Variants in DNM3 observed in about 807,000 individuals in gnomAD.
The protein encoded by DNM3 is dynamin-3.
Under a neutral mutation model 101.6 loss-of-function variants are expected in DNM3, and 47 were observed. The ratio of observed to expected loss-of-function variants is 0.46; its 90% CI spans 0.37 to 0.59. The LOEUF (loss-of-function observed/expected upper bound fraction) is 0.59. DNM3 is among the 20% of genes least tolerant of loss of function. The probability of loss-of-function intolerance (pLI) is 0.00; values close to 1 mark genes in which losing one functional copy is unlikely to be tolerated. For missense variants in DNM3, 849 were observed against 1,085.7 expected, an observed-to-expected ratio of 0.78 and a Z score of 3.06; for synonymous variants, 385 against 387.9, an observed-to-expected ratio of 0.99 and a Z score of 0.09.
intron 1 of DNM3, among the ~76,000 whole-genome samples, chr1:171,842,232 C>T (rs1240691223): frequency 6.6e-6 from 1 of 152,180 alleles, no homozygotes; most frequent in African/African-American, 2.4e-5. Context: ...CAACACCCCC[C>T]TCCTTTTCCT....
chr1:172,336,453 G>C (rs1030853204), intron 17 of DNM3, among the ~76,000 whole-genome samples: 1 of 148,496 alleles, frequency 6.7e-6, no homozygotes, highest in Non-Finnish European at 1.5e-5. Flanking sequence ...GAAGAGAAAA[G>C]TGTCACAGGA....
intron 1 of DNM3, among the ~76,000 whole-genome samples, chr1:171,847,627 A>G (rs2032327229): frequency 6.6e-6 from 1 of 152,228 alleles, no homozygotes; most frequent in Non-Finnish European, 1.5e-5. Context: ...GTATTTTATA[A>G]GGACTTCCAA....
chr1:172,240,943 G>C (rs1204093414), intron 14 of DNM3, among the ~76,000 whole-genome samples: 1 of 152,036 alleles, frequency 6.6e-6, no homozygotes, highest in East Asian at 1.9e-4. Flanking sequence ...GCCATGCTGA[G>C]TAAATTTTTC....
intron 15 of DNM3, chr1:172,289,944 T>C: frequency 1.1e-6 from 1 of 939,954 alleles, no homozygotes; most frequent in African/African-American, 1.8e-5. Context: ...ATCTGTAAGG[T>C]AAAAGACAAT....
intron 4 of DNM3, among the ~76,000 whole-genome samples, chr1:172,005,080 G>A (rs2046595205): frequency 6.6e-6 from 1 of 152,048 alleles, no homozygotes; most frequent in Admixed American, 6.6e-5. Context: ...CACCACTCTG[G>A]AGCCAAACTG....
chr1:172,027,617 C>CACACACACACACACACACAGAG (rs34981346), intron 4 of DNM3, among the ~76,000 whole-genome samples: 61 of 147,124 alleles, frequency 4.1e-4, no homozygotes, highest in African/African-American at 1.5e-3. Context: ...CACACACACA[C>CACACACACACACACACACAGAG]AGAGAGAGAG....
At chr1:171,924,710 G>A (rs2040423314) in intron 2 of DNM3, among the ~76,000 whole-genome samples, 2 of 152,166 alleles carry the variant, frequency 1.3e-5, no homozygotes, top group South Asian at 4.1e-4. Flanking sequence ...AATTCAAGAT[G>A]AGATTTGGGT....
intron 16 of DNM3, among the ~76,000 whole-genome samples, chr1:172,321,339 C>G (rs2065706108): frequency 6.6e-6 from 1 of 152,128 alleles, no homozygotes; most frequent in Non-Finnish European, 1.5e-5. Context: ...ACTTAGCCCC[C>G]AACACATAAC....
intron 16 of DNM3, among the ~76,000 whole-genome samples, chr1:172,321,826 C>A (rs879854068): frequency 3.3e-5 from 5 of 152,136 alleles, no homozygotes; most frequent in Admixed American, 1.3e-4. Flanking sequence ...CTTGGGAGAA[C>A]CAGGGTCCCA....
chr1:172,301,010 G>C (rs1192624731), intron 15 of DNM3, among the ~76,000 whole-genome samples: 1 of 152,170 alleles, frequency 6.6e-6, no homozygotes, highest in East Asian at 1.9e-4. Flanking sequence ...TATGACTCTG[G>C]GGAAGGTCTA....
At chr1:171,968,178 T>G (rs1239493289) in intron 2 of DNM3, among the ~76,000 whole-genome samples, 1 of 152,202 alleles carries the variant, frequency 6.6e-6, no homozygotes, top group Non-Finnish European at 1.5e-5. Flanking sequence ...TGTTGTGAGT[T>G]CAAAGTACTT....
Position 171,993,498 on chromosome 1 carries a change from C to CTTTTTTTTTT in DNM3, c.589+4357_589+4366dup, listed in dbSNP as rs145178902. On this transcript the variant is annotated intron_variant, in intron 4 of 20. Transcript: ENST00000627582. ...CTTCTCTCCTGCTGCTTTCAAGATTCTTTTTTTTTTTTTTTTGTCTTTTGG... is the reference window on the plus strand; with the variant it reads ...CTTCTCTCCTGCTGCTTTCAAGATTCTTTTTTTTTTTTTTTTTTTTTTTTTTGTCTTTTGG... Among the ~76,000 whole-genome samples, 112 of 128,574 alleles carry CTTTTTTTTTT rather than the reference C, an allele frequency of 8.7e-4. 1 individual carries two copies. The highest frequency in any genetic ancestry group is 1.8e-3 in the African/African-American group (60 of 33,978). The allele number at this position is 128,574 out of a possible 152,430, so 84.3% of individuals were successfully genotyped here.
rs951978489 is a variant in DNM3 at position 172,233,771 on chromosome 1, C to T, written c.1660-19802C>T. Among the ~76,000 whole-genome samples the T allele has an allele frequency of 3.3e-5, 5 of 152,270 alleles. 1 individual carries two copies. The highest frequency in any genetic ancestry group is 1.2e-4 in the African/African-American group (5 of 41,538). ...CAATAAATGTAATCCAGCATATAAA[C>T]AGAACCAACGACAAAAACCACATGA... On this transcript the variant is annotated intron_variant, in intron 14 of 20. Transcript: ENST00000627582.
intron 18 of DNM3, among the ~76,000 whole-genome samples, chr1:172,381,336 A>G (rs979443922): frequency 2.6e-5 from 4 of 152,108 alleles, no homozygotes; most frequent in African/African-American, 9.7e-5. Context: ...AGGCGAAAGT[A>G]TCATGTAGTG....
chr1:172,245,634 G>A (rs575096867), intron 14 of DNM3, among the ~76,000 whole-genome samples: 121 of 152,312 alleles, frequency 7.9e-4, no homozygotes, highest in Admixed American at 2.8e-3. Flanking sequence ...TCACATTTCT[G>A]GGAGACGTGT....
chr1:172,356,258 A>G (rs2067448965), intron 17 of DNM3, among the ~76,000 whole-genome samples: 1 of 152,092 alleles, frequency 6.6e-6, no homozygotes, highest in African/African-American at 2.4e-5. Flanking sequence ...CATTTAGGTA[A>G]ATCTAAGCCA....
At chr1:172,067,601 A>G (rs1401983736) in intron 10 of DNM3, among the ~76,000 whole-genome samples, 1 of 151,962 alleles carries the variant, frequency 6.6e-6, no homozygotes, top group Non-Finnish European at 1.5e-5. Flanking sequence ...CATCTTCTCC[A>G]CGGCCATTCT....
intron 17 of DNM3, among the ~76,000 whole-genome samples, chr1:172,352,370 A>G (rs917437568): frequency 1.3e-5 from 2 of 151,930 alleles, no homozygotes; most frequent in South Asian, 2.1e-4. Context: ...TTCTTTTTAT[A>G]TGAGTGTTAA....
At chr1:171,904,810 G>C (rs1571530394) in intron 1 of DNM3, among the ~76,000 whole-genome samples, 1 of 152,174 alleles carries the variant, frequency 6.6e-6, no homozygotes, top group South Asian at 2.1e-4. Context: ...TAGATAACTT[G>C]GTACGGAGGC....
Sources: gnomAD v4.1 joint callset for allele counts (sites outside exome capture counted in the v4.1 genomes callset) on GRCh38, gnomAD v4.1.1 for gene constraint, MANE v1.5 for transcripts, NCBI Gene and HGNC (gene_info 2026-07-23, HGNC 2026-07-21) for gene names.